STAT5A: variants seen among roughly 807,000 people sequenced by gnomAD.
STAT5A encodes the protein epididymis secretory sperm binding protein.
STAT5A carries 26 observed loss-of-function variants against 100.2 expected under a neutral mutation model. The ratio of observed to expected loss-of-function variants is 0.26; its 90% CI spans 0.19 to 0.36. The LOEUF is 0.36. Ranked by LOEUF, STAT5A falls within the 10% of genes least tolerant of loss-of-function variation. STAT5A has a pLI of 1.00. For missense variants in STAT5A, 634 were observed against 1,027.5 expected (o/e 0.62, Z 5.24); for synonymous variants, 330 against 424.3 (o/e 0.78, Z 2.73).
intron 12 of STAT5A, 97 bp from the exon 13 acceptor site, chr17:42,306,144 A>T: frequency 1.3e-6 from 2 of 1,585,644 alleles, no homozygotes; most frequent in Non-Finnish European, 1.7e-6. Flanking sequence ...GATCTGTCTC[A>T]GTCTCCTCTG....
chr17:42,293,440 AGTG>A (rs1359754643), intron 4 of STAT5A, among the ~76,000 whole-genome samples: 2 of 151,828 alleles, frequency 1.3e-5, no homozygotes, highest in Non-Finnish European at 2.9e-5. Flanking sequence ...CCTGACTTCA[AGTG>A]ATCCACCTGC....
rs2081040102 is a variant in STAT5A, at chr17:42,307,472, A to C, written c.1751A>C (p.His584Pro). The C allele has an allele frequency of 6.2e-7, 1 of 1,613,930 alleles. No individual in the cohort carries two copies. Among genetic ancestry groups the C allele is most frequent in the African/African-American group, 1.3e-5 (1 of 74,872 alleles). ...FDGVMEVLKK[H>P]HKPHWNDGAI... ...GGGGTGATGGAGGTGTTGAAGAAGC[A>C]CCACAAGCCCCACTGGAATGATGGG... The change falls in exon 14 of 19, where the codon CAC (histidine) becomes CCC (proline). Residue 584 changes from histidine (H) to proline (P), a missense_variant. Around this residue, in one of 5 missense-constraint regions of STAT5A, gnomAD observed 210 missense variants for 428.4 expected, o/e 0.49. Transcript: ENST00000590949.
At chr17:42,306,572 A>T (rs1235991962) in intron 13 of STAT5A, 125 bp downstream of exon 13, 7 of 1,419,374 alleles carry the variant, frequency 4.9e-6, no homozygotes, top group Non-Finnish European at 6.8e-6. Context: ...CTCTCCTACA[A>T]CCAGGAGAGA....
At position 42,289,855 on chromosome 17, in the gene STAT5A, C is replaced by G. The variant is rs1426655175; in HGVS notation, c.129-11C>G. ...GCCACAGTAGGTTTTTCTCTTCTGCCCTGCCCCAAGGGATGCCATTGACTT... is the reference window on the plus strand; with the variant it reads ...GCCACAGTAGGTTTTTCTCTTCTGCGCTGCCCCAAGGGATGCCATTGACTT... On this transcript the variant is annotated splice_polypyrimidine_tract_variant and intron_variant, in intron 2 of 18. Transcript: ENST00000590949. The G allele has an allele frequency of 6.5e-7, 1 of 1,534,210 alleles. No individual in the cohort carries two copies. Among genetic ancestry groups the G allele is most frequent in the Non-Finnish European group, 8.8e-7 (1 of 1,138,814 alleles).
chr17:42,309,360 T>C lies in STAT5A; in HGVS notation c.2115-17T>C. Reference sequence around the variant, plus strand: ...GGCCTCCCTGGTGGCTGAAGCTCTGTTCTCTTCCTTCTGCAGGTTTGTGAA... The same window carrying C: ...GGCCTCCCTGGTGGCTGAAGCTCTGCTCTCTTCCTTCTGCAGGTTTGTGAA... On this transcript the variant is annotated splice_polypyrimidine_tract_variant and intron_variant, in intron 17 of 18. Transcript: ENST00000590949. The C allele has an allele frequency of 6.2e-7, 1 of 1,611,846 alleles. No homozygotes were observed. The highest frequency in any genetic ancestry group is 8.5e-7 in the Non-Finnish European group (1 of 1,179,674).
intron 15 of STAT5A, 100 bp downstream of exon 15, chr17:42,307,823 A>G: frequency 2.7e-6 from 4 of 1,507,904 alleles, no homozygotes; most frequent in Non-Finnish European, 1.8e-6. Flanking sequence ...CTTAGAAGGT[A>G]CCCAGCGGGA....
At chr17:42,290,849 G>C (rs116620198) in intron 3 of STAT5A, among the ~76,000 whole-genome samples, 2,744 of 152,310 alleles carry the variant, frequency 0.018, 90 homozygotes, top group African/African-American at 0.064. Context: ...TTTCCATGCT[G>C]TTAGTGCCTT....
chr17:42,299,644 T>C (rs983693676), intron 5 of STAT5A, 107 bp from the exon 6 acceptor site: 1 of 1,563,790 alleles, frequency 6.4e-7, no homozygotes, highest in African/African-American at 1.4e-5. Flanking sequence ...CTTGATGCAG[T>C]GTCTGAGCCT....
In STAT5A at chr17:42,304,448, C is replaced by T. The variant is rs1162133347; in HGVS notation, c.1257+19C>T. 3 of 1,614,210 alleles carry T rather than the reference C, an allele frequency of 1.9e-6. No individual in the cohort carries two copies. The highest frequency in any genetic ancestry group is 2.5e-6 in the Non-Finnish European group (3 of 1,180,028). Reference sequence around the variant, plus strand: ...GAACATGGTGAGGACGGGGCCCACCCTCGGAGGGCAGGTCTGCCCAGAGCT... The same window carrying T: ...GAACATGGTGAGGACGGGGCCCACCTTCGGAGGGCAGGTCTGCCCAGAGCT... On this transcript the variant is annotated intron_variant, in intron 10 of 18. Coordinates refer to ENST00000590949, the MANE Select transcript of STAT5A (RefSeq NM_001288718.2). The surrounding 1 kb of genome is among the most constrained non-coding windows in gnomAD (Gnocchi z 4.8).
chr17:42,311,253 C>CT lies in STAT5A; in HGVS notation c.*585dup, dbSNP rs546581419. 1.6e-3 allele frequency: 260 copies of CT among 159,182 alleles called. No individual in the cohort carries two copies. Among genetic ancestry groups the CT allele is most frequent in the African/African-American group, 6.1e-3 (255 of 41,698 alleles). The allele number at this position is 159,182 out of a possible 1,614,324, so 9.9% of individuals were successfully genotyped here. Reference sequence around the variant, plus strand: ...CTTTAGTGAACGTGGACTCCAGACTCTCTGTGAACCCTATGAGAGCGCGTC... The same window carrying CT: ...CTTTAGTGAACGTGGACTCCAGACTCTTCTGTGAACCCTATGAGAGCGCGTC... On this transcript the variant is annotated 3_prime_UTR_variant, in exon 19 of 19. Coordinates refer to ENST00000590949, the MANE Select transcript of STAT5A (RefSeq NM_001288718.2).
chr17:42,288,052 C>T (rs1489978048), upstream of STAT5A: 1 of 152,328 alleles, frequency 6.6e-6, no homozygotes, highest in South Asian at 2.1e-4. This position sits in a 1 kb window ranked among gnomAD's most constrained non-coding sequence, Gnocchi z 4.8. Context: ...ATTTTTTAAT[C>T]TAGGGGCTCA....
In STAT5A at chr17:42,299,742, C is replaced by T. The variant is rs763368765; in HGVS notation, c.551-9C>T. On this transcript the variant is annotated splice_polypyrimidine_tract_variant and intron_variant, in intron 5 of 18. Transcript: ENST00000590949. ...GGTGATGGTCATGGTTTCCTCTTCTCTCCTCTAGCTCAGTTTGCCCAGCTG... is the reference window on the plus strand; with the variant it reads ...GGTGATGGTCATGGTTTCCTCTTCTTTCCTCTAGCTCAGTTTGCCCAGCTG... 7.1e-5 allele frequency: 115 copies of T among 1,614,104 alleles called. No individual in the cohort carries two copies. The highest frequency in any genetic ancestry group is 8.5e-5 in the Non-Finnish European group (100 of 1,180,038).
rs147384091 is a variant in STAT5A, at chr17:42,310,623, C to T, written c.2339C>T (p.Ser780Leu). 65 of 1,614,120 alleles carry T rather than the reference C, an allele frequency of 4.0e-5. No individual in the cohort carries two copies. Among genetic ancestry groups the T allele is most frequent in the African/African-American group, 2.8e-4 (21 of 74,944 alleles). ...RPMDSLDSRLSPPAGLFTSAR... is the reference protein window; with the variant it reads ...RPMDSLDSRLLPPAGLFTSAR... ...ATGGACAGTCTTGACTCCCGCCTCT[C>T]GCCCCCTGCCGGTCTTTTCACCTCT... Residue 780 changes from serine to leucine, a missense_variant, in exon 19 of 19, where the codon TCG (serine) becomes TTG (leucine). Ser to Leu is a moderately radical substitution (Grantham distance 145). Around this residue, in one of 5 missense-constraint regions of STAT5A, gnomAD observed 88 missense variants for 95.1 expected, o/e 0.92. Coordinates refer to ENST00000590949, the MANE Select transcript of STAT5A (RefSeq NM_001288718.2).
intron 5 of STAT5A, among the ~76,000 whole-genome samples, chr17:42,296,286 G>A (rs116684385): frequency 0.022 from 3,363 of 152,254 alleles, 121 homozygotes; most frequent in African/African-American, 0.076. Context: ...CTTCCAAAGT[G>A]GGCCTTCTTG....
In STAT5A at chr17:42,308,677, C is replaced by T. The variant is rs1361230910; in HGVS notation, c.2062+344C>T. 4.1e-6 allele frequency: 2 copies of T among 488,210 alleles called. No homozygotes were observed. The highest frequency in any genetic ancestry group is 3.9e-5 in the African/African-American group (2 of 51,644). 30.2% of individuals were successfully genotyped at this position (488,210 alleles called of 1,614,324 possible). ...CCACCTCACCAGCTGCTCTCCACAC[C>T]CTGCTCACAAACCTTCCCCCGAGTG... is the stretch of plus-strand genomic sequence containing the variant. On this transcript the variant is annotated intron_variant, in intron 16 of 18. Coordinates refer to ENST00000590949, the MANE Select transcript of STAT5A (RefSeq NM_001288718.2). This position sits in a 1 kb window ranked among gnomAD's most constrained non-coding sequence, Gnocchi z 4.6.
chr17:42,310,666 A>C lies in STAT5A; in HGVS notation c.2382A>C (p.Ser794=), dbSNP rs769999611. 29 of 1,613,948 alleles carry C rather than the reference A, an allele frequency of 1.8e-5. No individual in the cohort carries two copies. The highest frequency in any genetic ancestry group is 2.5e-5 in the Non-Finnish European group (29 of 1,180,000). Residue 794 remains serine, a synonymous_variant, in exon 19 of 19, where the codon TCA becomes TCC. Coordinates refer to ENST00000590949, the MANE Select transcript of STAT5A (RefSeq NM_001288718.2). ...GLFTSARGSL[S] is the part of the protein sequence containing the mutation. ...TCACCTCTGCCAGAGGCTCCCTCTC[A>C]TGAATGTTTGAATCCCACGCTTCTC...
At chr17:42,291,076 C>A (rs970860960) in intron 3 of STAT5A, among the ~76,000 whole-genome samples, 9 of 152,180 alleles carry the variant, frequency 5.9e-5, no homozygotes, top group African/African-American at 2.2e-4. Context: ...TGTTTTCCTG[C>A]AACTAGACAG....
Position 42,301,207 on chromosome 17 carries a change from A to G in STAT5A, c.990-68A>G. The stretch of plus-strand genomic sequence containing the variant: ...TGGGAGGCAGCCCCACCCCCACCAC[A>G]GAGGGACTGAGAGCCCTTTCCCCTG... On this transcript the variant is annotated intron_variant, in intron 8 of 18. Coordinates refer to ENST00000590949, the MANE Select transcript of STAT5A (RefSeq NM_001288718.2). The G allele has an allele frequency of 2.5e-6, 4 of 1,571,702 alleles. No homozygotes were observed. The South Asian group carries it at 4.7e-5, about 19-fold the overall frequency.
Position 42,304,694 on chromosome 17 carries a change from C to G in STAT5A, c.1380+42C>G, listed in dbSNP as rs1163849334. On this transcript the variant is annotated intron_variant, in intron 11 of 18. Coordinates refer to ENST00000590949, the MANE Select transcript of STAT5A (RefSeq NM_001288718.2). The surrounding 1 kb of genome is among the most constrained non-coding windows in gnomAD (Gnocchi z 4.8). ...TCCTGCCCCCACTGCTCCAGGTCAC[C>G]CAAGAGGTGGAGGGGCCTGCCTCAG... The G allele has an allele frequency of 6.2e-7, 1 of 1,610,000 alleles. No individual in the cohort carries two copies. The highest frequency in any genetic ancestry group is 8.5e-7 in the Non-Finnish European group (1 of 1,177,778).
Sources: allele counts gnomAD v4.1 joint callset (sites outside exome capture counted in the v4.1 genomes callset), GRCh38; gene constraint gnomAD v4.1.1; regional missense constraint gnomAD v4.1.1; non-coding constraint Gnocchi (gnomAD v3.1); transcripts MANE v1.5; gene names NCBI Gene and HGNC (gene_info 2026-07-23, HGNC 2026-07-21).